The following TLL1 variants were observed in gnomAD, a reference collection of about 807,000 sequenced individuals.
TLL1 encodes the protein tolloid like 1, also known as tolloid-like protein 1.
A neutral mutation model predicts 128.2 loss-of-function variants in TLL1; 49 were observed. The observed-to-expected ratio is 0.38, with a 90% CI of 0.30 to 0.48. TLL1 has a LOEUF of 0.48. Ranked by LOEUF, TLL1 falls within the 20% of genes least tolerant of loss-of-function variation. The pLI is 0.96. For missense variants in TLL1, 1,123 were observed against 1,242.0 expected (o/e 0.90, Z 1.44); for synonymous variants, 454 against 418.8 (o/e 1.08, Z -1.03).
At chr4:166,082,782 A>T (rs1741347531) in intron 18 of TLL1, among the ~76,000 whole-genome samples, 1 of 151,968 alleles carries the variant, frequency 6.6e-6, no homozygotes, top group African/African-American at 2.4e-5. Flanking sequence ...GATTCAAGCA[A>T]TTCTCCTGCC....
At chr4:165,903,687 C>T (rs1021473129) in intron 1 of TLL1, among the ~76,000 whole-genome samples, 3 of 150,670 alleles carry the variant, frequency 2.0e-5, no homozygotes, top group Non-Finnish European at 3.0e-5. Flanking sequence ...CTGGGATTAC[C>T]GTCGTAAGCC....
intron 18 of TLL1, 91 bp downstream of exon 18, chr4:166,078,121 T>C (rs1348246240): frequency 5.7e-6 from 9 of 1,581,838 alleles, no homozygotes; most frequent in Non-Finnish European, 7.8e-6. Context: ...GTTTATCTAA[T>C]TGAATCGAAT....
chr4:166,100,940 A>C lies in TLL1; in HGVS notation c.*64A>C, dbSNP rs1296724721. The C allele has an allele frequency of 6.3e-7, 1 of 1,581,570 alleles. No individual in the cohort carries two copies. Among genetic ancestry groups the C allele is most frequent in the Non-Finnish European group, 8.6e-7 (1 of 1,159,658 alleles). Reference sequence around the variant, plus strand: ...ATGGAGAGAAGACATATTTTTTTTAAAACTGAAGATATTGGCACAAATGTT... The same window carrying C: ...ATGGAGAGAAGACATATTTTTTTTACAACTGAAGATATTGGCACAAATGTT... On this transcript the variant is annotated 3_prime_UTR_variant, in exon 21 of 21. Transcript: ENST00000061240.
At position 166,099,296 on chromosome 4, in the gene TLL1, A is replaced by G. The variant is rs1401760692; in HGVS notation, c.2676A>G (p.Lys892=). ...GGGCAGAGTGTGGCGGACGATTGAA[A>G]GCAGAATCAAAACCAAGAGATCTGT... ...THSTECGGRL[K]AESKPRDLYS... The change falls in exon 20 of 21, where the codon AAA becomes AAG. Residue 892 remains lysine (K), a synonymous_variant. Coordinates refer to ENST00000061240, the MANE Select transcript of TLL1 (RefSeq NM_012464.5). 1.2e-6 allele frequency: 2 copies of G among 1,613,550 alleles called. No homozygotes were observed. Among genetic ancestry groups the G allele is most frequent in the Admixed American group, 3.3e-5 (2 of 59,968 alleles).
intron 1 of TLL1, among the ~76,000 whole-genome samples, chr4:165,961,743 G>A (rs1735115769): frequency 6.6e-6 from 1 of 152,140 alleles, no homozygotes. Context: ...TAAATAAGTG[G>A]TGTGTGGATA....
intron 12 of TLL1, among the ~76,000 whole-genome samples, chr4:166,052,006 T>G (rs1453637348): frequency 6.6e-6 from 1 of 152,116 alleles, no homozygotes; most frequent in South Asian, 2.1e-4. Context: ...AAGTAACCAG[T>G]GAATACACTG....
Position 165,873,583 on chromosome 4 carries a change from G to A in TLL1, c.-322G>A. On this transcript the variant is annotated 5_prime_UTR_variant, in exon 1 of 21. Transcript: ENST00000061240. Reference sequence around the variant, plus strand: ...GTTCGGCAGCCAGAAGGACGACCTGGCAGGCTGCGAGCGCCAGCGCCGCCA... The same window carrying A: ...GTTCGGCAGCCAGAAGGACGACCTGACAGGCTGCGAGCGCCAGCGCCGCCA... The A allele has an allele frequency of 4.9e-6, 1 of 205,260 alleles. No homozygotes were observed. 12.7% of individuals were successfully genotyped at this position (205,260 alleles called of 1,614,324 possible).
chr4:166,042,202 T>G, intron 11 of TLL1, 59 bp downstream of exon 11: 1 of 1,136,900 alleles, frequency 8.8e-7, no homozygotes, highest in Non-Finnish European at 1.3e-6. Flanking sequence ...AAATGTTCGT[T>G]TCTTAATTTC....
intron 1 of TLL1, among the ~76,000 whole-genome samples, chr4:165,914,569 A>C (rs1020571648): frequency 6.6e-6 from 1 of 152,214 alleles, no homozygotes; most frequent in Non-Finnish European, 1.5e-5. Context: ...AGATGCTCAC[A>C]GTAGCTCTTT....
At position 166,039,313 on chromosome 4, in the gene TLL1, G is replaced by A. The variant is rs191843247; in HGVS notation, c.1159-26G>A. The A allele has an allele frequency of 1.8e-5, 27 of 1,512,514 alleles. No homozygotes were observed. The Admixed American group carries it at 2.3e-4, about 13-fold the overall frequency. 93.7% of individuals were successfully genotyped at this position (1,512,514 alleles called of 1,614,324 possible). Reference sequence around the variant, plus strand: ...ATGTAGATACAATCATTTTTACTCTGTGGGTTGCTTACCTCCATTTTGCAG... The same window carrying A: ...ATGTAGATACAATCATTTTTACTCTATGGGTTGCTTACCTCCATTTTGCAG... On this transcript the variant is annotated intron_variant, in intron 9 of 20. Coordinates refer to ENST00000061240, the MANE Select transcript of TLL1 (RefSeq NM_012464.5).
intron 5 of TLL1, among the ~76,000 whole-genome samples, chr4:165,998,797 C>CA (rs965047713): frequency 0.015 from 2,058 of 134,572 alleles, 40 homozygotes; most frequent in African/African-American, 0.043. Flanking sequence ...ACTCTGTCTT[C>CA]AAAAAAAAAA....
chr4:165,901,119 G>T (rs1731964719), intron 1 of TLL1, among the ~76,000 whole-genome samples: 1 of 151,962 alleles, frequency 6.6e-6, no homozygotes. Context: ...AAACTGGTTA[G>T]TCTAGTTAAC....
intron 1 of TLL1, among the ~76,000 whole-genome samples, chr4:165,971,797 C>T (rs1735639201): frequency 1.3e-5 from 2 of 152,144 alleles, no homozygotes; most frequent in African/African-American, 4.8e-5. Context: ...CAAGCTCTGC[C>T]AGAGGTGAAA....
intron 1 of TLL1, among the ~76,000 whole-genome samples, chr4:165,907,094 A>G (rs535186771): frequency 1.3e-5 from 2 of 152,310 alleles, no homozygotes; most frequent in African/African-American, 2.4e-5. Flanking sequence ...TGACATACAT[A>G]TATCAATGGT....
chr4:166,025,267 G>T (rs201749534), intron 8 of TLL1, 49 bp from the exon 9 acceptor site: 19 of 1,322,942 alleles, frequency 1.4e-5, no homozygotes, highest in Non-Finnish European at 2.1e-5. Context: ...TGATATTCAC[G>T]TATTTTATAT....
chr4:165,983,241 G>T (rs1042940894), intron 1 of TLL1, among the ~76,000 whole-genome samples: 6 of 151,802 alleles, frequency 4.0e-5, no homozygotes, highest in Non-Finnish European at 5.9e-5. Flanking sequence ...AATCCTATCC[G>T]CAGACATTGT....
chr4:166,039,970 T>C (rs555669896), intron 10 of TLL1, among the ~76,000 whole-genome samples: 1 of 152,298 alleles, frequency 6.6e-6, no homozygotes, highest in South Asian at 2.1e-4. Context: ...AGAAGAGACA[T>C]TTGTAGTTTG....
At chr4:166,058,595 C>T (rs1386148804) in intron 14 of TLL1, among the ~76,000 whole-genome samples, 2 of 152,096 alleles carry the variant, frequency 1.3e-5, no homozygotes. Flanking sequence ...TCCCTGCCTC[C>T]ACCCTATTAC....
intron 6 of TLL1, among the ~76,000 whole-genome samples, chr4:166,005,766 T>A (rs1465904783): frequency 6.6e-6 from 1 of 151,822 alleles, no homozygotes; most frequent in Non-Finnish European, 1.5e-5. Flanking sequence ...GTGGAAAAAA[T>A]TTATAAAAGA....
Sources: allele counts gnomAD v4.1 joint callset (sites outside exome capture counted in the v4.1 genomes callset), GRCh38; gene constraint gnomAD v4.1.1; transcripts MANE v1.5; gene names NCBI Gene and HGNC (gene_info 2026-07-23, HGNC 2026-07-21).